The following CFAP299 variants were observed in gnomAD, a reference collection of about 807,000 sequenced individuals.
CFAP299 encodes cilia and flagella associated protein 299.
A neutral mutation model predicts 27.0 loss-of-function variants in CFAP299; 21 were observed. The observed-to-expected ratio is 0.78, with a 90% CI of 0.55 to 1.12. The LOEUF is 1.12. CFAP299 is among the 50% of genes most tolerant of loss of function. The probability of loss-of-function intolerance (pLI) is 0.00; values close to 1 mark genes in which losing one functional copy is unlikely to be tolerated. For synonymous variants in CFAP299, 104 were observed against 98.1 expected (o/e 1.06, Z -0.36); for missense variants, 310 against 276.6 (o/e 1.12, Z -0.86).
At chr4:80,768,813 T>C (rs1217147604) in intron 3 of CFAP299, among the ~76,000 whole-genome samples, 1 of 152,084 alleles carries the variant, frequency 6.6e-6, no homozygotes, top group Non-Finnish European at 1.5e-5. Context: ...CAAAAATGAG[T>C]ACAACTGAGT....
At chr4:80,610,319 C>T (rs1427786338) in intron 3 of CFAP299, among the ~76,000 whole-genome samples, 1 of 152,012 alleles carries the variant, frequency 6.6e-6, no homozygotes, top group Non-Finnish European at 1.5e-5. Flanking sequence ...CTTCCAGTGT[C>T]CCCCAACCCC....
At chr4:80,743,247 G>GA (rs558471757) in intron 3 of CFAP299, among the ~76,000 whole-genome samples, 4 of 140,596 alleles carry the variant, frequency 2.8e-5, no homozygotes, top group East Asian at 2.0e-4. Flanking sequence ...AATACAAAAA[G>GA]AAAAAAAAAA....
chr4:80,810,700 G>T (rs941792548), intron 3 of CFAP299, among the ~76,000 whole-genome samples: 2 of 152,054 alleles, frequency 1.3e-5, no homozygotes, highest in African/African-American at 4.8e-5. Flanking sequence ...TATTTTTTCA[G>T]ACTACTGGCC....
chr4:80,553,774 T>C (rs546196038), intron 2 of CFAP299, among the ~76,000 whole-genome samples: 31 of 152,318 alleles, frequency 2.0e-4, no homozygotes, highest in African/African-American at 7.2e-4. Context: ...TTTTTTCATA[T>C]GCTTGTTGGC....
intron 2 of CFAP299, among the ~76,000 whole-genome samples, chr4:80,368,259 G>C (rs1422138506): frequency 1.3e-5 from 2 of 152,158 alleles, no homozygotes; most frequent in Non-Finnish European, 2.9e-5. Context: ...CTCAGATGCT[G>C]TATATACATG....
intron 4 of CFAP299, chr4:80,871,285 A>C (rs1733081973): frequency 1.0e-6 from 1 of 985,416 alleles, no homozygotes; most frequent in East Asian, 1.1e-4. Flanking sequence ...TCTTGCAGTA[A>C]TGCCCATTGC....
intron 4 of CFAP299, among the ~76,000 whole-genome samples, chr4:80,919,926 C>T (rs1407293305): frequency 1.3e-5 from 2 of 152,094 alleles, no homozygotes; most frequent in Admixed American, 1.3e-4. Context: ...TACCCAGCTC[C>T]ATAATGTAGG....
At chr4:80,558,590 G>A (rs190700525) in intron 2 of CFAP299, among the ~76,000 whole-genome samples, 325 of 151,746 alleles carry the variant, frequency 2.1e-3, no homozygotes, top group Non-Finnish European at 3.6e-3. Flanking sequence ...CACCAAATAA[G>A]AGCGTCAGGC....
chr4:80,586,866 G>T (rs1736472891), intron 3 of CFAP299, among the ~76,000 whole-genome samples: 1 of 152,150 alleles, frequency 6.6e-6, no homozygotes, highest in African/African-American at 2.4e-5. Flanking sequence ...TATGTAAACA[G>T]TCACATGGAT....
chr4:80,847,674 A>G (rs974892042), intron 3 of CFAP299, among the ~76,000 whole-genome samples: 6 of 152,250 alleles, frequency 3.9e-5, no homozygotes, highest in African/African-American at 1.4e-4. Context: ...AGAATTAACA[A>G]TGATACCTAC....
In CFAP299 at chr4:80,397,954, A is replaced by T. The variant is rs374216569; in HGVS notation, c.242+35070A>T. Among the ~76,000 whole-genome samples the T allele has an allele frequency of 5.3e-5, 8 of 152,332 alleles. No individual in the cohort carries two copies. In the East Asian group the frequency reaches 5.8e-4, roughly 11 times the overall value. On this transcript the variant is annotated intron_variant, in intron 2 of 5. Coordinates refer to ENST00000358105, the MANE Select transcript of CFAP299 (RefSeq NM_152770.3). The stretch of plus-strand genomic sequence containing the variant: ...TAGAAAACCCCATCATCTCAGCCCA[A>T]AATCTCCTTAAGCTCATAAGCAACT...
chr4:80,716,552 T>C (rs59718772), intron 3 of CFAP299, among the ~76,000 whole-genome samples: 7,006 of 152,118 alleles, frequency 0.046, 557 homozygotes, highest in African/African-American at 0.16. Flanking sequence ...AAGCTTACAT[T>C]ACATTTGTAT....
chr4:80,610,886 T>C lies in CFAP299; in HGVS notation c.333+27703T>C, dbSNP rs544599436. On this transcript the variant is annotated intron_variant, in intron 3 of 5. Transcript: ENST00000358105. ...GTGGCTGATAACCATTGTGCTATTA[T>C]TAGTTGGGTGATGAGCTGGTCACCC... Among the ~76,000 whole-genome samples, 6 of 152,170 alleles carry C rather than the reference T, an allele frequency of 3.9e-5. No individual in the cohort carries two copies. The East Asian group carries it at 1.2e-3, about 29-fold the overall frequency.
At chr4:80,477,682 A>G (rs1326716520) in intron 2 of CFAP299, among the ~76,000 whole-genome samples, 2 of 151,870 alleles carry the variant, frequency 1.3e-5, no homozygotes, top group Admixed American at 6.6e-5. Context: ...TTATTTGTTG[A>G]CTCCACGACA....
chr4:80,637,979 AT>A (rs1314065861), intron 3 of CFAP299, among the ~76,000 whole-genome samples: 6 of 152,186 alleles, frequency 3.9e-5, no homozygotes, highest in African/African-American at 7.2e-5. Context: ...TAAAGAAAAT[AT>A]TTTTTATTAA....
chr4:80,498,344 G>C (rs1731562792), intron 2 of CFAP299, among the ~76,000 whole-genome samples: 1 of 151,984 alleles, frequency 6.6e-6, no homozygotes, highest in Admixed American at 6.6e-5. Flanking sequence ...CTGTAAACTA[G>C]CATTCAACAG....
chr4:80,769,373 AAACTT>A (rs1288455061), intron 3 of CFAP299, among the ~76,000 whole-genome samples: 1 of 152,118 alleles, frequency 6.6e-6, no homozygotes, highest in Non-Finnish European at 1.5e-5. Context: ...AAAATACTAT[AAACTT>A]AATGGCTTAT....
In CFAP299 at chr4:80,356,866, T is replaced by A. The variant is rs147830966; in HGVS notation, c.112-5888T>A. On this transcript the variant is annotated intron_variant, in intron 1 of 5. Coordinates refer to ENST00000358105, the MANE Select transcript of CFAP299 (RefSeq NM_152770.3). ...TGGTTGCCCTGGCCAGAACTTCCAA[T>A]GCTATGTTAAATAGGAGTGGTGAGA... Among the ~76,000 whole-genome samples, 262 of 152,238 alleles carry A rather than the reference T, an allele frequency of 1.7e-3. 1 individual carries two copies. Among genetic ancestry groups the A allele is most frequent in the African/African-American group, 5.8e-3 (240 of 41,560 alleles).
chr4:80,547,556 C>G (rs1357882491), intron 2 of CFAP299, among the ~76,000 whole-genome samples: 1 of 152,028 alleles, frequency 6.6e-6, no homozygotes, highest in Non-Finnish European at 1.5e-5. Flanking sequence ...AGCTTCCGCA[C>G]AGCAAAAGAA....
Sources: allele counts gnomAD v4.1 joint callset (sites outside exome capture counted in the v4.1 genomes callset), GRCh38; gene constraint gnomAD v4.1.1; transcripts MANE v1.5; gene names NCBI Gene and HGNC (gene_info 2026-07-23, HGNC 2026-07-21).